DNAH9: variants seen among roughly 807,000 people sequenced by gnomAD.
The protein encoded by DNAH9 is dynein axonemal heavy chain 9.
Under a neutral mutation model 471.6 loss-of-function variants are expected in DNAH9, and 345 were observed. That is an observed-to-expected ratio of 0.73 (90% confidence interval 0.67 to 0.80). DNAH9 has a LOEUF of 0.80. DNAH9 is among the 30% of genes least tolerant of loss of function. The pLI, the probability that DNAH9 is intolerant of heterozygous loss-of-function variation, is 0.00. For synonymous variants in DNAH9, 2,093 were observed against 2,123.6 expected, an observed-to-expected ratio of 0.99 and a Z score of 0.40; for missense variants, 5,407 against 5,609.2, an observed-to-expected ratio of 0.96 and a Z score of 1.15.
At chr17:11,706,001 G>A (rs1196293465) in intron 26 of DNAH9, among the ~76,000 whole-genome samples, 2 of 152,028 alleles carry the variant, frequency 1.3e-5, no homozygotes, top group South Asian at 2.1e-4. Context: ...TTTCTAAAAC[G>A]ATTCTCTTGA....
At chr17:11,720,352 A>ACT (rs1331095177) in intron 27 of DNAH9, among the ~76,000 whole-genome samples, 2 of 151,812 alleles carry the variant, frequency 1.3e-5, no homozygotes, top group Non-Finnish European at 2.9e-5. Context: ...GCACCCATTA[A>ACT]CTCATCATTT....
intron 49 of DNAH9, among the ~76,000 whole-genome samples, chr17:11,846,452 G>A (rs1225131233): frequency 1.3e-5 from 2 of 151,582 alleles, no homozygotes; most frequent in Non-Finnish European, 2.9e-5. Context: ...CTCCGGCTTT[G>A]TTCTTTTGGC....
At chr17:11,649,911 G>T (rs1039889097) in intron 12 of DNAH9, among the ~76,000 whole-genome samples, 1 of 152,110 alleles carries the variant, frequency 6.6e-6, no homozygotes, top group African/African-American at 2.4e-5. Context: ...TAAGAAATCT[G>T]CTCCAAAAAT....
At chr17:11,691,041 A>G (rs2074325755) in intron 20 of DNAH9, among the ~76,000 whole-genome samples, 1 of 151,978 alleles carries the variant, frequency 6.6e-6, no homozygotes, top group African/African-American at 2.4e-5. Flanking sequence ...TCATTTTTAA[A>G]TTTTTTCTTT....
At chr17:11,735,588 A>C (rs1156402385) in intron 28 of DNAH9, among the ~76,000 whole-genome samples, 3 of 151,998 alleles carry the variant, frequency 2.0e-5, no homozygotes, top group Non-Finnish European at 4.4e-5. Context: ...GGCATGTGCC[A>C]CCAGGCCTGG....
At chr17:11,913,557 C>T (rs554870237) in intron 61 of DNAH9, among the ~76,000 whole-genome samples, 25 of 152,104 alleles carry the variant, frequency 1.6e-4, no homozygotes, top group African/African-American at 4.3e-4. Flanking sequence ...CCGAGGCGAG[C>T]GGATCACGAG....
In DNAH9 at chr17:11,951,922, CAAAA is replaced by C. The variant is rs200475331; in HGVS notation, c.12843+9451_12843+9454del. On this transcript the variant is annotated intron_variant, in intron 67 of 68. Coordinates refer to ENST00000262442, the MANE Select transcript of DNAH9 (RefSeq NM_001372.4). ...TGGGTGACACAGCAAAACTCCATCTCAAAAAAAAAAAAAAAAATTAATTAAAAAT... is the reference window on the plus strand; with the variant it reads ...TGGGTGACACAGCAAAACTCCATCTCAAAAAAAAAAAAATTAATTAAAAAT... Among the ~76,000 whole-genome samples, 3 of 109,234 alleles carry C rather than the reference CAAAA, an allele frequency of 2.7e-5. 1 individual carries two copies. The highest frequency in any genetic ancestry group is 1.0e-4 in the African/African-American group (3 of 29,382). 71.7% of individuals were successfully genotyped at this position (109,234 alleles called of 152,430 possible).
At chr17:11,644,426 G>A (rs2073339301) in intron 10 of DNAH9, among the ~76,000 whole-genome samples, 1 of 152,122 alleles carries the variant, frequency 6.6e-6, no homozygotes, top group African/African-American at 2.4e-5. Context: ...TCTGACACTT[G>A]CGGAGCTGCC....
chr17:11,943,045 G>C (rs369526209), intron 67 of DNAH9, among the ~76,000 whole-genome samples: 1 of 151,756 alleles, frequency 6.6e-6, no homozygotes, highest in East Asian at 2.0e-4. Context: ...ACAGGTGCCC[G>C]CCACCACGCC....
At chr17:11,744,555 T>C (rs2075486990) in intron 30 of DNAH9, among the ~76,000 whole-genome samples, 1 of 152,196 alleles carries the variant, frequency 6.6e-6, no homozygotes, top group Non-Finnish European at 1.5e-5. Flanking sequence ...TTGATCTCTT[T>C]GACCCCCCAC....
chr17:11,599,696 C>A (rs1321283679), intron 1 of DNAH9, among the ~76,000 whole-genome samples: 5 of 152,078 alleles, frequency 3.3e-5, no homozygotes, highest in African/African-American at 4.8e-5. Flanking sequence ...CCCCTTAGAC[C>A]TTTCTGGAAT....
intron 48 of DNAH9, among the ~76,000 whole-genome samples, chr17:11,832,584 G>T (rs1042170515): frequency 6.6e-6 from 1 of 152,222 alleles, no homozygotes; most frequent in Non-Finnish European, 1.5e-5. Context: ...TTAACACAAA[G>T]TCTCCCGTTT....
At chr17:11,616,510 T>C (rs1022652133) in intron 4 of DNAH9, among the ~76,000 whole-genome samples, 1 of 152,192 alleles carries the variant, frequency 6.6e-6, no homozygotes, top group Non-Finnish European at 1.5e-5. Flanking sequence ...GATATTAGCA[T>C]CCAGTGCTGC....
intron 36 of DNAH9, among the ~76,000 whole-genome samples, chr17:11,766,284 A>G (rs567665771): frequency 6.6e-6 from 1 of 150,916 alleles, no homozygotes; most frequent in Non-Finnish European, 1.5e-5. Flanking sequence ...TGGAGGCTAT[A>G]CCTGAGTAGA....
At chr17:11,694,244 C>T in intron 21 of DNAH9, 77 bp from the exon 22 acceptor site, 1 of 1,492,100 alleles carries the variant, frequency 6.7e-7, no homozygotes, top group African/African-American at 1.4e-5. Flanking sequence ...ATTGCATATA[C>T]ATACATTTAA....
intron 43 of DNAH9, among the ~76,000 whole-genome samples, chr17:11,804,873 C>CA (rs534191844): frequency 0.074 from 7,507 of 101,338 alleles, 234 homozygotes; most frequent in South Asian, 0.097. Context: ...GACTCTGTCT[C>CA]AAAAAAAAAA....
intron 57 of DNAH9, among the ~76,000 whole-genome samples, chr17:11,888,175 G>A (rs559369076): frequency 5.9e-5 from 9 of 151,854 alleles, no homozygotes; most frequent in South Asian, 2.1e-4. Context: ...TAGTAGAGAC[G>A]GGGTTTCACT....
Position 11,616,914 on chromosome 17 carries a change from C to T in DNAH9, c.905-497C>T, listed in dbSNP as rs2072758362. On this transcript the variant is annotated intron_variant, in intron 4 of 68. Transcript: ENST00000262442. ...CATTTATCAAACACCTGCATTGGTCCAAGCACTGTGCTAGTTGTTTATAAA... is the reference window on the plus strand; with the variant it reads ...CATTTATCAAACACCTGCATTGGTCTAAGCACTGTGCTAGTTGTTTATAAA... Among the ~76,000 whole-genome samples the T allele has an allele frequency of 2.6e-5, 4 of 152,138 alleles. No individual in the cohort carries two copies. The South Asian group carries it at 8.3e-4, about 32-fold the overall frequency.
chr17:11,826,724 A>C (rs890675508), intron 48 of DNAH9, among the ~76,000 whole-genome samples: 4 of 151,174 alleles, frequency 2.6e-5, no homozygotes, highest in Admixed American at 6.6e-5. Flanking sequence ...GGCGTCCCAA[A>C]GTGCTGGGAT....
Sources: gnomAD v4.1 joint callset for allele counts (sites outside exome capture counted in the v4.1 genomes callset) on GRCh38, gnomAD v4.1.1 for gene constraint, MANE v1.5 for transcripts, NCBI Gene and HGNC (gene_info 2026-07-23, HGNC 2026-07-21) for gene names.